The following SMYD3 variants were observed in gnomAD, a reference collection of about 807,000 sequenced individuals.
The protein encoded by SMYD3 is SET and MYND domain containing 3.
SMYD3 carries 36 observed loss-of-function variants against 57.7 expected under a neutral mutation model. That is an observed-to-expected ratio of 0.62 (90% CI 0.48 to 0.82). The LOEUF (loss-of-function observed/expected upper bound fraction) is 0.82. Among genes scored for constraint, SMYD3 ranks in the 40% least tolerant of loss-of-function variants. The probability of loss-of-function intolerance (pLI) is 0.00; values close to 1 mark genes in which losing one functional copy is unlikely to be tolerated. For synonymous variants in SMYD3, 211 were observed against 195.0 expected (o/e 1.08, Z -0.68); for missense variants, 515 against 538.8 (o/e 0.96, Z 0.44).
chr1:245,957,667 G>T (rs76361438), intron 5 of SMYD3, among the ~76,000 whole-genome samples: 2 of 152,140 alleles, frequency 1.3e-5, no homozygotes, highest in Admixed American at 1.3e-4. Flanking sequence ...CAAACAAAAC[G>T]TATCTGTCAT....
At chr1:245,793,023 C>T (rs1274317188) in intron 10 of SMYD3, among the ~76,000 whole-genome samples, 2 of 152,098 alleles carry the variant, frequency 1.3e-5, no homozygotes, top group Non-Finnish European at 2.9e-5. Context: ...AAATATCTTC[C>T]ATATAGGCCA....
intron 8 of SMYD3, among the ~76,000 whole-genome samples, chr1:245,870,346 C>T (rs182369930): frequency 2.7e-4 from 41 of 152,256 alleles, no homozygotes; most frequent in African/African-American, 8.4e-4. Flanking sequence ...GTGACACCCT[C>T]CCCCAGCACA....
At chr1:245,923,339 A>T (rs1318143184) in intron 7 of SMYD3, among the ~76,000 whole-genome samples, 2 of 151,876 alleles carry the variant, frequency 1.3e-5, no homozygotes, top group Non-Finnish European at 2.9e-5. Context: ...CTTTGCTGAA[A>T]CCCTTCAATC....
chr1:246,474,519 CAAAAA>C (rs35626265), intron 1 of SMYD3, among the ~76,000 whole-genome samples: 3 of 78,800 alleles, frequency 3.8e-5, no homozygotes, highest in Non-Finnish European at 7.7e-5. Context: ...ACTCCCCTCT[CAAAAA>C]AAAAAAAAAA....
chr1:246,490,001 CTTTTTTTTTTTT>C, intron 1 of SMYD3, among the ~76,000 whole-genome samples: 1 of 92,294 alleles, frequency 1.1e-5, no homozygotes, highest in African/African-American at 4.0e-5. Flanking sequence ...TAATTTTTTC[CTTTTTTTTTTTT>C]TTTTTTTTTG....
Position 245,927,980 on chromosome 1 carries a change from C to T in SMYD3, c.653G>A (p.Gly218Glu). ...GACTGCTCGCAGTAAGAGGTGGGGC[C>T]CATTGAACACAATCGAACAGTTGGG... ...CDPNCSIVFN[G>E]PHLLLRAVRD... Residue 218 changes from glycine (G) to glutamate (E), a missense_variant, in exon 7 of 12, where the codon GGG becomes GAG. Transcript: ENST00000490107. The T allele has an allele frequency of 2.5e-6, 4 of 1,612,976 alleles. No homozygotes were observed. The highest frequency in any genetic ancestry group is 3.4e-6 in the Non-Finnish European group (4 of 1,179,394).
intron 1 of SMYD3, among the ~76,000 whole-genome samples, chr1:246,444,067 T>A (rs6679017): frequency 0.021 from 3,213 of 152,164 alleles, 113 homozygotes; most frequent in African/African-American, 0.072. Context: ...GAAACATCTA[T>A]GATTTTGACC....
chr1:246,499,994 A>AGGGGCT (rs1435656382), intron 1 of SMYD3, among the ~76,000 whole-genome samples: 6 of 152,040 alleles, frequency 3.9e-5, no homozygotes, highest in Non-Finnish European at 8.8e-5. Context: ...TGTTAAGAGC[A>AGGGGCT]GGGGCTGGGG....
chr1:246,063,606 C>T (rs1291080261), intron 5 of SMYD3, among the ~76,000 whole-genome samples: 3 of 141,680 alleles, frequency 2.1e-5, no homozygotes, highest in African/African-American at 7.7e-5. Flanking sequence ...CCCCTCCTCT[C>T]CCCTCCCTCT....
intron 8 of SMYD3, among the ~76,000 whole-genome samples, chr1:245,913,570 A>AT (rs1399210687): frequency 6.6e-6 from 1 of 152,152 alleles, no homozygotes; most frequent in Non-Finnish European, 1.5e-5. Context: ...CTAGGCAAAG[A>AT]TTTTATGGCT....
At chr1:245,898,588 A>T (rs753189472) in intron 8 of SMYD3, among the ~76,000 whole-genome samples, 4 of 152,242 alleles carry the variant, frequency 2.6e-5, no homozygotes, top group Non-Finnish European at 4.4e-5. Flanking sequence ...TACCTAAAAC[A>T]GTGTGTGCCA....
intron 1 of SMYD3, among the ~76,000 whole-genome samples, chr1:246,359,813 A>G (rs2148711867): frequency 6.6e-6 from 1 of 152,320 alleles, no homozygotes; most frequent in South Asian, 2.1e-4. Flanking sequence ...ATACACCTTA[A>G]GGTAATGAAA....
chr1:246,409,745 G>C (rs2066930857), intron 1 of SMYD3, among the ~76,000 whole-genome samples: 1 of 152,280 alleles, frequency 6.6e-6, no homozygotes, highest in Admixed American at 6.5e-5. Flanking sequence ...GGATGGCATT[G>C]AATCTGTAAA....
intron 5 of SMYD3, among the ~76,000 whole-genome samples, chr1:246,074,913 TACACACAC>T (rs60103366): frequency 8.8e-5 from 13 of 148,464 alleles, no homozygotes; most frequent in East Asian, 2.0e-4. Context: ...GCTAAAGCAA[TACACACAC>T]ACACACACAC....
intron 5 of SMYD3, among the ~76,000 whole-genome samples, chr1:246,273,401 C>T (rs1298030317): frequency 4.6e-5 from 7 of 151,608 alleles, no homozygotes; most frequent in Non-Finnish European, 5.9e-5. Flanking sequence ...CCACCCACCT[C>T]GGCCTCCCAA....
intron 5 of SMYD3, among the ~76,000 whole-genome samples, chr1:246,046,468 C>T (rs1192973438): frequency 6.6e-6 from 1 of 151,692 alleles, no homozygotes; most frequent in East Asian, 1.9e-4. Flanking sequence ...CACACCGGGG[C>T]CTGTCATGGG....
At chr1:246,160,862 G>T (rs1396964407) in intron 5 of SMYD3, among the ~76,000 whole-genome samples, 1 of 152,144 alleles carries the variant, frequency 6.6e-6, no homozygotes, top group Non-Finnish European at 1.5e-5. Context: ...TCAAATCTGG[G>T]AAGATTAAAT....
At chr1:245,795,813 T>C (rs146326130) in intron 10 of SMYD3, among the ~76,000 whole-genome samples, 10 of 152,272 alleles carry the variant, frequency 6.6e-5, no homozygotes, top group Non-Finnish European at 1.0e-4. Flanking sequence ...CCTCTCTCCC[T>C]AAATACTATT....
At chr1:245,969,883 T>C (rs1210194059) in intron 5 of SMYD3, among the ~76,000 whole-genome samples, 1 of 152,224 alleles carries the variant, frequency 6.6e-6, no homozygotes, top group Non-Finnish European at 1.5e-5. Flanking sequence ...TTATTTTTGT[T>C]GACATTTATC....
Sources: gnomAD v4.1 joint callset for allele counts (sites outside exome capture counted in the v4.1 genomes callset) on GRCh38, gnomAD v4.1.1 for gene constraint, MANE v1.5 for transcripts, NCBI Gene and HGNC (gene_info 2026-07-23, HGNC 2026-07-21) for gene names.